EIF5B: variants seen among roughly 807,000 people sequenced by gnomAD.
The protein encoded by EIF5B is eukaryotic translation initiation factor 5B.
Under a neutral mutation model 147.5 loss-of-function variants are expected in EIF5B, and 47 were observed. That is an observed-to-expected ratio of 0.32 (90% CI 0.25 to 0.41). EIF5B has a LOEUF of 0.41. Among genes scored for constraint, EIF5B ranks in the 10% least tolerant of loss-of-function variants. EIF5B has a pLI of 1.00. For missense variants in EIF5B, 1,064 were observed against 1,413.2 expected, an observed-to-expected ratio of 0.75 and a Z score of 3.96; for synonymous variants, 455 against 456.2, an observed-to-expected ratio of 1.00 and a Z score of 0.03.
In EIF5B at chr2:99,373,055, T is replaced by G. The variant is rs144480934; in HGVS notation, c.1552+1325T>G. On this transcript the variant is annotated intron_variant, in intron 9 of 23. Coordinates refer to ENST00000289371, the MANE Select transcript of EIF5B (RefSeq NM_015904.4). ...ATGCTGTGTCATTAGGTAAACACAA[T>G]CTTGTATCTTTCTAATGAATTGACT... Among the ~76,000 whole-genome samples the G allele has an allele frequency of 9.5e-4, 145 of 152,318 alleles. 1 individual carries two copies. The East Asian group carries it at 0.02, about 21-fold the overall frequency.
chr2:99,339,228 G>T (rs1013170450), intron 1 of EIF5B, among the ~76,000 whole-genome samples: 1 of 151,554 alleles, frequency 6.6e-6, no homozygotes, highest in Admixed American at 6.6e-5. Flanking sequence ...GGTCAGGCTG[G>T]TCTCGAACTC....
At chr2:99,393,147 C>T in intron 18 of EIF5B, 49 bp downstream of exon 18, 1 of 1,418,620 alleles carries the variant, frequency 7.0e-7, no homozygotes, top group Non-Finnish European at 9.3e-7. Flanking sequence ...TGAGTTCTGG[C>T]ATGTGTCAGC....
At chr2:99,386,677 A>G (rs1241577213) in intron 14 of EIF5B, among the ~76,000 whole-genome samples, 1 of 138,346 alleles carries the variant, frequency 7.2e-6, no homozygotes, top group East Asian at 2.2e-4. Flanking sequence ...ACAGGCATGC[A>G]CCACCACACC....
Position 99,361,162 on chromosome 2 carries a change from T to C in EIF5B, c.261T>C (p.Asn87=), listed in dbSNP as rs772953593. The change falls in exon 4 of 24, where the codon AAT becomes AAC. Residue 87 remains asparagine (N), a synonymous_variant. Transcript: ENST00000289371. ...AAATTTTTTAGCCAACAGAAAACAATGAAGAGGAATTCACCTCAAAAGATA... is the reference window on the plus strand; with the variant it reads ...AAATTTTTTAGCCAACAGAAAACAACGAAGAGGAATTCACCTCAAAAGATA... ...ETVAVKPTEN[N]EEEFTSKDKK... is the part of the protein sequence containing the mutation. The C allele has an allele frequency of 2.6e-5, 40 of 1,521,370 alleles. 1 individual carries two copies. The South Asian group carries it at 4.7e-4, about 18-fold the overall frequency. 94.2% of individuals were successfully genotyped at this position (1,521,370 alleles called of 1,614,324 possible).
chr2:99,363,576 G>C, intron 4 of EIF5B, 69 bp from the exon 5 acceptor site: 2 of 1,480,118 alleles, frequency 1.4e-6, no homozygotes, highest in Non-Finnish European at 1.8e-6. Context: ...TTGTGGTTGG[G>C]TTTTGCTCGT....
intron 21 of EIF5B, among the ~76,000 whole-genome samples, chr2:99,396,225 G>A (rs1239422950): frequency 4.6e-5 from 7 of 152,208 alleles, no homozygotes; most frequent in African/African-American, 9.6e-5. Context: ...CAAGACTGCT[G>A]GAAACTTTTA....
At chr2:99,365,401 A>G (rs537334902) in intron 6 of EIF5B, among the ~76,000 whole-genome samples, 173 of 152,350 alleles carry the variant, frequency 1.1e-3, no homozygotes, top group African/African-American at 4.0e-3. Flanking sequence ...AGCTAGGAAC[A>G]TTAGATGTGA....
At chr2:99,339,479 G>A (rs760896715) in intron 1 of EIF5B, among the ~76,000 whole-genome samples, 5 of 151,478 alleles carry the variant, frequency 3.3e-5, no homozygotes, top group Non-Finnish European at 5.9e-5. Flanking sequence ...CAATTCGTTC[G>A]TTTGGTTTAG....
Position 99,346,589 on chromosome 2 carries a change from C to CTTTTT in EIF5B, c.35+9023_35+9027dup, listed in dbSNP as rs773411395. ...TTATTTTAGAACATAAGTTGTATCT[C>CTTTTT]TTTTTTTTTTTTTTTTTTTTTTTTT... is the stretch of plus-strand genomic sequence containing the variant. On this transcript the variant is annotated intron_variant, in intron 1 of 23. Transcript: ENST00000289371. Among the ~76,000 whole-genome samples, 18 of 61,654 alleles carry CTTTTT rather than the reference C, an allele frequency of 2.9e-4. 2 individuals carry two copies. The highest frequency in any genetic ancestry group is 7.6e-4 in the African/African-American group (11 of 14,554). The allele number at this position is 61,654 out of a possible 152,430, so 40.4% of individuals were successfully genotyped here. A position where few individuals can be genotyped will look rare whatever the true frequency, so the allele number is the denominator to read the frequency against.
chr2:99,353,011 T>C (rs1247488346), intron 1 of EIF5B, among the ~76,000 whole-genome samples: 2 of 73,524 alleles, frequency 2.7e-5, no homozygotes, highest in African/African-American at 4.9e-5. Context: ...TCTTCTTTTT[T>C]TTTTTTTTTT....
rs1675256682 is a variant in EIF5B at position 99,400,668 on chromosome 2, G to A, written c.*1254G>A. 6.6e-6 allele frequency: 1 copy of A among 152,222 alleles called. No homozygotes were observed. Among genetic ancestry groups the A allele is most frequent in the Non-Finnish European group, 1.5e-5 (1 of 68,048 alleles). The allele number at this position is 152,222 out of a possible 1,614,324, so 9.4% of individuals were successfully genotyped here. A position where few individuals can be genotyped will look rare whatever the true frequency, so the allele number is the denominator to read the frequency against. On this transcript the variant is annotated 3_prime_UTR_variant, in exon 24 of 24. Coordinates refer to ENST00000289371, the MANE Select transcript of EIF5B (RefSeq NM_015904.4). ...CCAGGAAAAAAATCTTCAAGTGGGTGTGAGGGTGTTTCTAATTCAAAATAT... is the reference window on the plus strand; with the variant it reads ...CCAGGAAAAAAATCTTCAAGTGGGTATGAGGGTGTTTCTAATTCAAAATAT...
Position 99,369,499 on chromosome 2 carries a change from A to T in EIF5B, c.1477+18A>T. 1 of 1,575,604 alleles carries T rather than the reference A, an allele frequency of 6.3e-7. No individual in the cohort carries two copies. Among genetic ancestry groups the T allele is most frequent in the Non-Finnish European group, 8.7e-7 (1 of 1,153,448 alleles). ...TGAACCAGGCGGGTAGTGTTATCTG[A>T]TTATTTAATTAGTGAATTCTTATTA... On this transcript the variant is annotated intron_variant, in intron 8 of 23. Transcript: ENST00000289371.
In EIF5B at chr2:99,376,439, G is replaced by T; in HGVS notation, c.1645G>T (p.Glu549Ter). 6.3e-7 allele frequency: 1 copy of T among 1,582,498 alleles called. No homozygotes were observed. The highest frequency in any genetic ancestry group is 8.7e-7 in the Non-Finnish European group (1 of 1,152,484). The stretch of plus-strand genomic sequence containing the variant: ...GGAAGAAGAAGATGAAGAAAGTGAA[G>T]AAGAGGAGGAAGAGGAGGGAGAAAG... ...EEEEEDEESE[E>*]EEEEEGESEG... Residue 549 changes from glutamate (E) to a stop codon, truncating the protein, a stop_gained, in exon 10 of 24, where the codon GAA (glutamate) becomes TAA (stop). Transcript: ENST00000289371. LOFTEE classifies it high-confidence loss of function.
At chr2:99,391,086 C>A (rs960096804) in intron 17 of EIF5B, among the ~76,000 whole-genome samples, 1 of 152,200 alleles carries the variant, frequency 6.6e-6, no homozygotes, top group Non-Finnish European at 1.5e-5. Flanking sequence ...AGAAGCCTTA[C>A]CAATCACATA....
At position 99,379,024 on chromosome 2, in the gene EIF5B, G is replaced by T. The variant is rs773888160; in HGVS notation, c.1848G>T (p.Arg616=). The change falls in exon 11 of 24, where the codon CGG becomes CGT. Residue 616 remains arginine (R), a synonymous_variant. Coordinates refer to ENST00000289371, the MANE Select transcript of EIF5B (RefSeq NM_015904.4). ...TTTTTTTTTTTTATTTCTAGAAACG[G>T]CGACTTGAACATAGTAAAAATGTAA... ...YDKAKRRIEK[R]RLEHSKNVNT... 6.6e-7 allele frequency: 1 copy of T among 1,513,240 alleles called. No homozygotes were observed. The highest frequency in any genetic ancestry group is 1.4e-5 in the African/African-American group (1 of 70,270). 93.7% of individuals were successfully genotyped at this position (1,513,240 alleles called of 1,614,324 possible).
chr2:99,369,535 GT>G, intron 8 of EIF5B, 54 bp downstream of exon 8: 1 of 1,446,386 alleles, frequency 6.9e-7, no homozygotes, highest in Admixed American at 1.9e-5. Flanking sequence ...AATAGTGTTG[GT>G]GTGTCATAAG....
chr2:99,369,934 C>T (rs1278490544), intron 8 of EIF5B, among the ~76,000 whole-genome samples: 1 of 152,046 alleles, frequency 6.6e-6, no homozygotes, highest in Non-Finnish European at 1.5e-5. Context: ...TTTCAGTGAG[C>T]CTAGGTTGCA....
At chr2:99,344,194 A>G (rs957747939) in intron 1 of EIF5B, among the ~76,000 whole-genome samples, 1 of 152,002 alleles carries the variant, frequency 6.6e-6, no homozygotes, top group African/African-American at 2.4e-5. Flanking sequence ...TGCTGGGATT[A>G]TAGGCGTGAG....
rs1675169739 is a variant in EIF5B, at chr2:99,399,929, A to ATTTC, written c.*519_*522dup. On this transcript the variant is annotated 3_prime_UTR_variant, in exon 24 of 24. Transcript: ENST00000289371. ...AAAATAGAAAATTAGGCATTCTGATATTTCTTTAGCTGCTTTGTGTGAAAC... is the reference window on the plus strand; with the variant it reads ...AAAATAGAAAATTAGGCATTCTGATATTTCTTTCTTTAGCTGCTTTGTGTGAAAC... The ATTTC allele has an allele frequency of 6.5e-6, 1 of 153,330 alleles. No homozygotes were observed. Among genetic ancestry groups the ATTTC allele is most frequent in the Non-Finnish European group, 1.5e-5 (1 of 68,536 alleles). The allele number at this position is 153,330 out of a possible 1,614,324, so 9.5% of individuals were successfully genotyped here.
Sources: gnomAD v4.1 joint callset for allele counts (sites outside exome capture counted in the v4.1 genomes callset) on GRCh38, gnomAD v4.1.1 for gene constraint, MANE v1.5 for transcripts, NCBI Gene and HGNC (gene_info 2026-07-23, HGNC 2026-07-21) for gene names.